LINGO2: variants seen among roughly 807,000 people sequenced by gnomAD.
LINGO2 encodes leucine rich repeat and Ig domain containing 2.
Under a neutral mutation model 30.6 loss-of-function variants are expected in LINGO2, and 14 were observed. That is an observed-to-expected ratio of 0.46 (90% CI 0.30 to 0.72). The LOEUF is 0.72. Among genes scored for constraint, LINGO2 ranks in the 30% least tolerant of loss-of-function variants. The pLI is 0.07. For synonymous variants in LINGO2, 317 were observed against 288.5 expected, an observed-to-expected ratio of 1.10 and a Z score of -1.00; for missense variants, 729 against 751.7, an observed-to-expected ratio of 0.97 and a Z score of 0.35.
chr9:28,567,091 C>G (rs530361528), intron 1 of LINGO2, among the ~76,000 whole-genome samples: 4 of 152,190 alleles, frequency 2.6e-5, no homozygotes, highest in Admixed American at 6.5e-5. Context: ...TGTCTATATA[C>G]CAGTGGTCAT....
At chr9:28,854,027 C>T in the LINGO2 span, among the ~76,000 whole-genome samples, 1 of 151,998 alleles carries the variant, frequency 6.6e-6, no homozygotes, top group Non-Finnish European at 1.5e-5. Flanking sequence ...AATTAAAATT[C>T]TCCCCATAGA....
intron 4 of LINGO2, among the ~76,000 whole-genome samples, chr9:28,174,668 A>T (rs1828693000): frequency 6.6e-6 from 1 of 152,170 alleles, no homozygotes; most frequent in African/African-American, 2.4e-5. Flanking sequence ...ACCCTGTACT[A>T]CCATTGTGAT....
the LINGO2 span, among the ~76,000 whole-genome samples, chr9:28,839,196 C>T: frequency 2.6e-5 from 4 of 152,136 alleles, no homozygotes; most frequent in Non-Finnish European, 5.9e-5. Flanking sequence ...AAGTGAGGGG[C>T]GTGTTTCAGA....
chr9:28,649,106 C>G (rs1170112453), intron 1 of LINGO2, among the ~76,000 whole-genome samples: 1 of 152,090 alleles, frequency 6.6e-6, no homozygotes, highest in Non-Finnish European at 1.5e-5. Flanking sequence ...ATGGCGCTCA[C>G]CTTTTTCCAC....
At chr9:28,091,719 G>A (rs2133267382) in intron 4 of LINGO2, among the ~76,000 whole-genome samples, 1 of 152,226 alleles carries the variant, frequency 6.6e-6, no homozygotes, top group Non-Finnish European at 1.5e-5. Flanking sequence ...TTAAACTAAA[G>A]AGCTTCTGCA....
chr9:28,002,001 A>C (rs984128189), intron 5 of LINGO2, among the ~76,000 whole-genome samples: 6 of 152,234 alleles, frequency 3.9e-5, no homozygotes, highest in African/African-American at 1.4e-4. Flanking sequence ...CAAGTTCATA[A>C]AAGCTGCCCT....
At chr9:28,396,503 G>T (rs961074087) in intron 2 of LINGO2, among the ~76,000 whole-genome samples, 1 of 151,936 alleles carries the variant, frequency 6.6e-6, no homozygotes, top group African/African-American at 2.4e-5. Flanking sequence ...AGGAGATCAA[G>T]ACCATCCAGG....
chr9:28,358,561 T>G (rs1010450974), intron 3 of LINGO2, among the ~76,000 whole-genome samples: 2 of 152,070 alleles, frequency 1.3e-5, no homozygotes, highest in African/African-American at 2.4e-5. Context: ...ACACCTTAGT[T>G]TTCACCCTGA....
At chr9:28,938,338 T>C in the LINGO2 span, among the ~76,000 whole-genome samples, 2 of 152,326 alleles carry the variant, frequency 1.3e-5, no homozygotes, top group Non-Finnish European at 2.9e-5. Flanking sequence ...TAATATGCAT[T>C]GGCTTAGAAT....
intron 3 of LINGO2, among the ~76,000 whole-genome samples, chr9:28,361,603 T>A (rs1820447606): frequency 1.3e-5 from 2 of 152,004 alleles, no homozygotes; most frequent in African/African-American, 4.8e-5. Flanking sequence ...ACACACCTAA[T>A]CTATCTGGAG....
At chr9:28,392,777 G>C (rs942220105) in intron 2 of LINGO2, among the ~76,000 whole-genome samples, 1 of 152,134 alleles carries the variant, frequency 6.6e-6, no homozygotes, top group South Asian at 2.1e-4. Flanking sequence ...TACTCTTAAG[G>C]GGGCTTGTTA....
chr9:28,471,050 T>C (rs1410834819), intron 2 of LINGO2, among the ~76,000 whole-genome samples: 3 of 151,734 alleles, frequency 2.0e-5, no homozygotes, highest in African/African-American at 7.3e-5. Context: ...CAAATAAAGT[T>C]ACTATGCTTC....
intron 1 of LINGO2, among the ~76,000 whole-genome samples, chr9:28,489,651 C>T (rs1308464617): frequency 6.6e-6 from 1 of 151,972 alleles, no homozygotes; most frequent in African/African-American, 2.4e-5. Flanking sequence ...TTAATCCCAG[C>T]ACTTTGGGAG....
chr9:28,941,020 A>AAAT, the LINGO2 span, among the ~76,000 whole-genome samples: 1 of 151,888 alleles, frequency 6.6e-6, no homozygotes, highest in Non-Finnish European at 1.5e-5. Context: ...CTCCACAAAA[A>AAAT]AAAATAAAAG....
At chr9:28,171,059 G>T in intron 4 of LINGO2, among the ~76,000 whole-genome samples, 1 of 152,242 alleles carries the variant, frequency 6.6e-6, no homozygotes, top group Non-Finnish European at 1.5e-5. Flanking sequence ...GATATTCAAT[G>T]TAAGTTCGGC....
intron 1 of LINGO2, among the ~76,000 whole-genome samples, chr9:28,560,089 A>G (rs1420070980): frequency 1.3e-5 from 2 of 151,624 alleles, no homozygotes; most frequent in Non-Finnish European, 2.9e-5. Context: ...AGGAAAAAAA[A>G]AAAAAAAAGA....
At chr9:28,776,016 G>A in the LINGO2 span, among the ~76,000 whole-genome samples, 2 of 152,174 alleles carry the variant, frequency 1.3e-5, no homozygotes, top group African/African-American at 2.4e-5. Context: ...CTCATGGCAA[G>A]CACTCAGAGT....
chr9:28,789,413 G>C, the LINGO2 span, among the ~76,000 whole-genome samples: 1 of 152,116 alleles, frequency 6.6e-6, no homozygotes, highest in Non-Finnish European at 1.5e-5. Context: ...ATAATAAACA[G>C]TGTAACTTCT....
At chr9:28,505,881 A>C (rs1820089754) in intron 1 of LINGO2, among the ~76,000 whole-genome samples, 1 of 151,882 alleles carries the variant, frequency 6.6e-6, no homozygotes, top group South Asian at 2.1e-4. Context: ...TACTATCCCA[A>C]ATACTGATGA....
Sources: allele counts gnomAD v4.1 joint callset (sites outside exome capture counted in the v4.1 genomes callset), GRCh38; gene constraint gnomAD v4.1.1; transcripts MANE v1.5; gene names NCBI Gene and HGNC (gene_info 2026-07-23, HGNC 2026-07-21).